BCAR3: variants seen among roughly 807,000 people sequenced by gnomAD.
BCAR3 encodes the protein breast cancer anti-estrogen resistance protein 3.
BCAR3 carries 37 observed loss-of-function variants against 80.1 expected under a neutral mutation model. The ratio of observed to expected loss-of-function variants is 0.46; its 90% CI spans 0.36 to 0.61. BCAR3 has a LOEUF of 0.61. BCAR3 is among the 20% of genes least tolerant of loss of function. The probability of loss-of-function intolerance (pLI) is 0.00; values close to 1 mark genes in which losing one functional copy is unlikely to be tolerated. For synonymous variants in BCAR3, 389 were observed against 418.9 expected (o/e 0.93, Z 0.87); for missense variants, 978 against 1,068.2 (o/e 0.92, Z 1.18).
intron 2 of BCAR3, among the ~76,000 whole-genome samples, chr1:93,755,381 C>T (rs377413893): frequency 6.6e-6 from 1 of 152,196 alleles, no homozygotes; most frequent in South Asian, 2.1e-4. Flanking sequence ...CTGACTCACC[C>T]AGAACAACTT....
chr1:93,760,925 A>G (rs1571105316), intron 2 of BCAR3, among the ~76,000 whole-genome samples: 1 of 152,190 alleles, frequency 6.6e-6, no homozygotes, highest in South Asian at 2.1e-4. Flanking sequence ...AGAGAGGAGC[A>G]AGGCATGTGA....
At chr1:93,831,033 G>A (rs1160961078) in intron 2 of BCAR3, among the ~76,000 whole-genome samples, 2 of 152,016 alleles carry the variant, frequency 1.3e-5, no homozygotes, top group Non-Finnish European at 2.9e-5. Context: ...TTTATCCGTG[G>A]ACCCAAAACT....
chr1:93,576,541 C>A (rs1404320814), intron 7 of BCAR3, among the ~76,000 whole-genome samples: 1 of 152,220 alleles, frequency 6.6e-6, no homozygotes, highest in African/African-American at 2.4e-5. Context: ...GAATCTCATC[C>A]AAGAGCCTCT....
At chr1:93,658,867 G>A (rs1380005058) in intron 2 of BCAR3, among the ~76,000 whole-genome samples, 1 of 152,104 alleles carries the variant, frequency 6.6e-6, no homozygotes, top group African/African-American at 2.4e-5. Flanking sequence ...TAGCCAGTAG[G>A]CTGAACCTCT....
chr1:93,614,156 G>A, intron 3 of BCAR3: 1 of 1,326,892 alleles, frequency 7.5e-7, no homozygotes. Context: ...TCGCAGGCTG[G>A]TGTCCAGCCT....
intron 2 of BCAR3, among the ~76,000 whole-genome samples, chr1:93,651,601 C>A (rs903650449): frequency 1.7e-4 from 26 of 152,184 alleles, no homozygotes; most frequent in African/African-American, 6.3e-4. Flanking sequence ...GAAGAGGAGT[C>A]TGAGGTTTGA....
At chr1:93,843,159 T>C (rs1336701219) in intron 2 of BCAR3, among the ~76,000 whole-genome samples, 1 of 152,174 alleles carries the variant, frequency 6.6e-6, no homozygotes, top group Admixed American at 6.6e-5. Flanking sequence ...GTTCTTGAAC[T>C]AAGAACTGTG....
At chr1:93,779,100 C>T (rs922662898) in intron 2 of BCAR3, among the ~76,000 whole-genome samples, 1 of 152,120 alleles carries the variant, frequency 6.6e-6, no homozygotes, top group Non-Finnish European at 1.5e-5. Context: ...TTCAAACAGT[C>T]AGAGTTTATT....
intron 2 of BCAR3, among the ~76,000 whole-genome samples, chr1:93,725,176 G>A (rs1036714806): frequency 2.6e-5 from 4 of 152,162 alleles, no homozygotes; most frequent in East Asian, 1.9e-4. Context: ...CAGAGACCCC[G>A]TCTCCTTTAT....
At chr1:93,589,552 T>A in intron 4 of BCAR3, 133 bp from the exon 5 acceptor site, 1 of 777,222 alleles carries the variant, frequency 1.3e-6, no homozygotes, top group Non-Finnish European at 2.0e-6. Flanking sequence ...GCTCTTTAGT[T>A]TTTCAAAGAT....
chr1:93,733,331 G>T (rs1042577189), intron 2 of BCAR3, among the ~76,000 whole-genome samples: 1 of 152,090 alleles, frequency 6.6e-6, no homozygotes, highest in Non-Finnish European at 1.5e-5. Context: ...GGATTTTTTT[G>T]TATGTCCCCC....
chr1:93,750,135 C>T (rs934109189), intron 2 of BCAR3, among the ~76,000 whole-genome samples: 3 of 152,150 alleles, frequency 2.0e-5, no homozygotes, highest in African/African-American at 7.2e-5. Flanking sequence ...TTCAGTTTGG[C>T]CCAGGAAATC....
chr1:93,645,727 T>G (rs1218811196), intron 2 of BCAR3, among the ~76,000 whole-genome samples: 3 of 150,586 alleles, frequency 2.0e-5, no homozygotes, highest in Non-Finnish European at 4.4e-5. Flanking sequence ...TATGCATATA[T>G]TATACATTAT....
chr1:93,680,789 G>A (rs1249081604), intron 1 of BCAR3, among the ~76,000 whole-genome samples: 1 of 152,166 alleles, frequency 6.6e-6, no homozygotes, highest in Non-Finnish European at 1.5e-5. Context: ...CACGGAACAC[G>A]CCGCCTTGCC....
At chr1:93,686,992 C>T (rs1648998612) in intron 3 of BCAR3, among the ~76,000 whole-genome samples, 1 of 152,204 alleles carries the variant, frequency 6.6e-6, no homozygotes, top group Admixed American at 6.5e-5. Flanking sequence ...ACAGCACCCT[C>T]TCCTTCCTGG....
intron 2 of BCAR3, among the ~76,000 whole-genome samples, chr1:93,744,758 T>C (rs755724964): frequency 6.6e-6 from 1 of 152,232 alleles, no homozygotes; most frequent in Admixed American, 6.5e-5. Context: ...ACATGATTTA[T>C]TGCTTTCATT....
chr1:93,815,187 G>A (rs1653973458), intron 2 of BCAR3, among the ~76,000 whole-genome samples: 1 of 152,270 alleles, frequency 6.6e-6, no homozygotes, highest in South Asian at 2.1e-4. Flanking sequence ...CCTCTTGGCT[G>A]CACTTATCAC....
intron 3 of BCAR3, among the ~76,000 whole-genome samples, chr1:93,598,386 C>A (rs908869155): frequency 2.6e-5 from 4 of 152,168 alleles, no homozygotes; most frequent in Non-Finnish European, 5.9e-5. Flanking sequence ...TTACTCTATC[C>A]CTGCCTGTAA....
intron 2 of BCAR3, among the ~76,000 whole-genome samples, chr1:93,646,094 T>C (rs1676142121): frequency 6.6e-6 from 1 of 152,180 alleles, no homozygotes; most frequent in African/African-American, 2.4e-5. Flanking sequence ...GAGCTCTAAT[T>C]AATTGGCTTA....
Sources: allele counts gnomAD v4.1 joint callset (sites outside exome capture counted in the v4.1 genomes callset), GRCh38; gene constraint gnomAD v4.1.1; transcripts MANE v1.5; gene names NCBI Gene and HGNC (gene_info 2026-07-23, HGNC 2026-07-21).